The following UNC13C variants were observed in gnomAD, a reference collection of about 807,000 sequenced individuals.
UNC13C encodes the protein protein unc-13 homolog C.
UNC13C carries 174 observed loss-of-function variants against 245.4 expected under a neutral mutation model. The observed-to-expected ratio is 0.71, with a 90% CI of 0.63 to 0.80. UNC13C has a LOEUF of 0.80. Among genes scored for constraint, UNC13C ranks in the 30% least tolerant of loss-of-function variants. The pLI is 0.00. For synonymous variants in UNC13C, 992 were observed against 895.1 expected (o/e 1.11, Z -1.93); for missense variants, 2,829 against 2,602.9 (o/e 1.09, Z -1.89).
At chr15:54,209,031 A>C (rs553026998) in intron 4 of UNC13C, among the ~76,000 whole-genome samples, 12 of 152,036 alleles carry the variant, frequency 7.9e-5, no homozygotes, top group Non-Finnish European at 1.2e-4. Context: ...CTTGCCCTAG[A>C]CTTTATCATG....
the UNC13C span, among the ~76,000 whole-genome samples, chr15:53,878,551 C>A: frequency 6.6e-6 from 1 of 152,164 alleles, no homozygotes; most frequent in Non-Finnish European, 1.5e-5. Flanking sequence ...GCTGGGGTTC[C>A]ATTTAGCCAG....
At chr15:54,005,830 A>G (rs2565210) in intron 1 of UNC13C, among the ~76,000 whole-genome samples, 137,652 of 152,116 alleles carry the variant, frequency 0.9, 62,569 homozygotes, top group East Asian at 1. Context: ...CCATGAAGTG[A>G]CCTAGAGCAG....
At chr15:54,621,984 A>G (rs1475615754) in intron 30 of UNC13C, among the ~76,000 whole-genome samples, 1 of 152,194 alleles carries the variant, frequency 6.6e-6, no homozygotes, top group Non-Finnish European at 1.5e-5. Flanking sequence ...CTCTTAAAGT[A>G]ATAAAAAGCA....
At chr15:53,857,237 T>A in the UNC13C span, among the ~76,000 whole-genome samples, 93,338 of 152,062 alleles carry the variant, frequency 0.61, 28,950 homozygotes, top group East Asian at 0.76. Context: ...TTCGTGGATC[T>A]TTGCTCAATT....
chr15:54,455,355 T>G (rs886596962), intron 19 of UNC13C, among the ~76,000 whole-genome samples: 1 of 150,496 alleles, frequency 6.6e-6, no homozygotes, highest in African/African-American at 2.4e-5. Flanking sequence ...AATGGCTTAA[T>G]TTTTCTCTGG....
intron 2 of UNC13C, among the ~76,000 whole-genome samples, chr15:54,103,005 AT>A (rs1236808737): frequency 6.6e-6 from 1 of 152,086 alleles, no homozygotes; most frequent in Non-Finnish European, 1.5e-5. Flanking sequence ...CATGACAGTC[AT>A]TTTTCTGGAA....
chr15:54,419,462 A>C (rs907080105), intron 19 of UNC13C, among the ~76,000 whole-genome samples: 10 of 152,170 alleles, frequency 6.6e-5, no homozygotes, highest in Admixed American at 2.6e-4. Context: ...TCTTTCTATT[A>C]TACTATGGTG....
At chr15:54,123,298 A>G (rs1371187078) in intron 2 of UNC13C, among the ~76,000 whole-genome samples, 1 of 151,774 alleles carries the variant, frequency 6.6e-6, no homozygotes, top group Non-Finnish European at 1.5e-5. Flanking sequence ...TTATCTTGAT[A>G]TAGTATTCTA....
the UNC13C span, among the ~76,000 whole-genome samples, chr15:53,930,665 T>C: frequency 1.3e-5 from 2 of 152,344 alleles, no homozygotes; most frequent in South Asian, 4.1e-4. Flanking sequence ...TTTTATTAGA[T>C]CTGCCCCTTT....
chr15:54,270,123 A>G (rs975420162), intron 10 of UNC13C, among the ~76,000 whole-genome samples: 1 of 152,208 alleles, frequency 6.6e-6, no homozygotes, highest in Non-Finnish European at 1.5e-5. Context: ...CAGAAATACT[A>G]TTTTGAAGCT....
the UNC13C span, among the ~76,000 whole-genome samples, chr15:53,900,613 T>C: frequency 0.073 from 11,170 of 152,246 alleles, 501 homozygotes; most frequent in South Asian, 0.19. Flanking sequence ...CAGTAGGATG[T>C]TCAGGGGATA....
chr15:53,869,801 G>A, the UNC13C span, among the ~76,000 whole-genome samples: 10 of 152,294 alleles, frequency 6.6e-5, no homozygotes, highest in Non-Finnish European at 1.3e-4. Flanking sequence ...AACACCACTA[G>A]AGGGTAATTG....
chr15:54,142,596 C>G lies in UNC13C; in HGVS notation c.2984-422C>G, dbSNP rs577371045. On this transcript the variant is annotated intron_variant, in intron 2 of 32. Coordinates refer to ENST00000260323, the MANE Select transcript of UNC13C (RefSeq NM_001080534.3). ...TCCCAAATACTGATCTCAATTAATT[C>G]TATCAACAATGTTGCGAGGCAGTTA... Among the ~76,000 whole-genome samples, 4 of 152,280 alleles carry G rather than the reference C, an allele frequency of 2.6e-5. No individual in the cohort carries two copies. The South Asian group carries it at 6.2e-4, about 24-fold the overall frequency.
chr15:53,977,121 C>T (rs1233365397), upstream of UNC13C, among the ~76,000 whole-genome samples: 1 of 152,154 alleles, frequency 6.6e-6, no homozygotes, highest in Non-Finnish European at 1.5e-5. Flanking sequence ...TGAGCAGCTG[C>T]TCAGGTCCAT....
Position 54,567,677 on chromosome 15 carries a change from A to AT in UNC13C, c.5959-116dup, listed in dbSNP as rs926979912. ...TTAGCAATGGGAAAATGATGGAACC[A>AT]TTTTTTTGTATCTTGCATTGATCAA... is the stretch of plus-strand genomic sequence containing the variant. On this transcript the variant is annotated intron_variant, in intron 29 of 32. Transcript: ENST00000260323. 51 of 917,994 alleles carry AT rather than the reference A, an allele frequency of 5.6e-5. No homozygotes were observed. In the African/African-American group the frequency reaches 7.8e-4, roughly 14 times the overall value. 56.9% of individuals were successfully genotyped at this position (917,994 alleles called of 1,614,324 possible). A position where few individuals can be genotyped will look rare whatever the true frequency, so the allele number is the denominator to read the frequency against.
the UNC13C span, among the ~76,000 whole-genome samples, chr15:53,961,505 G>C: frequency 6.6e-6 from 1 of 152,234 alleles, no homozygotes; most frequent in African/African-American, 2.4e-5. Flanking sequence ...CAGTGGTTAA[G>C]AGCGGGCTAG....
intron 19 of UNC13C, among the ~76,000 whole-genome samples, chr15:54,456,331 G>C (rs536796042): frequency 1.3e-5 from 2 of 151,996 alleles, no homozygotes; most frequent in Admixed American, 1.3e-4. Flanking sequence ...TTTTGGCTAC[G>C]TAGGCTCCTT....
At chr15:53,924,929 T>G in the UNC13C span, among the ~76,000 whole-genome samples, 402 of 152,324 alleles carry the variant, frequency 2.6e-3, 1 homozygote, top group Non-Finnish European at 4.4e-3. Context: ...GGTTATATGG[T>G]TATACGTGTT....
At chr15:54,479,635 A>G (rs79859599) in intron 19 of UNC13C, among the ~76,000 whole-genome samples, 5,521 of 151,844 alleles carry the variant, frequency 0.036, 153 homozygotes, top group South Asian at 0.064. Context: ...ATTGTTTCAT[A>G]TATCCGTTTT....
Sources: gnomAD v4.1 joint callset for allele counts (sites outside exome capture counted in the v4.1 genomes callset) on GRCh38, gnomAD v4.1.1 for gene constraint, MANE v1.5 for transcripts, NCBI Gene and HGNC (gene_info 2026-07-23, HGNC 2026-07-21) for gene names.